The following SGCE variants were observed in gnomAD, a reference collection of about 807,000 sequenced individuals.
SGCE encodes sarcoglycan epsilon.
SGCE carries 26 observed loss-of-function variants against 57.8 expected under a neutral mutation model. The observed-to-expected ratio is 0.45, with a 90% CI of 0.33 to 0.62. The LOEUF is 0.62. Ranked by LOEUF, SGCE falls within the 20% of genes least tolerant of loss-of-function variation. The pLI, the probability that SGCE is intolerant of heterozygous loss-of-function variation, is 0.02. For missense variants in SGCE, 468 were observed against 548.6 expected, an observed-to-expected ratio of 0.85 and a Z score of 1.47; for synonymous variants, 183 against 189.5, an observed-to-expected ratio of 0.97 and a Z score of 0.28.
intron 1 of SGCE, among the ~76,000 whole-genome samples, chr7:94,632,018 G>A (rs1235199690): frequency 8.6e-5 from 13 of 152,000 alleles, no homozygotes; most frequent in Admixed American, 6.6e-5. Context: ...TGGAATGGAT[G>A]AGTACATTCT....
In SGCE at chr7:94,629,777, A is replaced by G. The variant is rs935896834; in HGVS notation, c.174T>C (p.Phe58=). 1.2e-6 allele frequency: 2 copies of G among 1,611,368 alleles called. No individual in the cohort carries two copies. The highest frequency in any genetic ancestry group is 3.3e-4 in the Middle Eastern group (2 of 6,038). Residue 58 remains phenylalanine, a synonymous_variant, in exon 2 of 11, where the codon TTT becomes TTC. Coordinates refer to ENST00000648936, the MANE Select transcript of SGCE (RefSeq NM_003919.3). ...AATATTCTCTTTCCAAAACATGAAC[A>G]AAGAGGACACCTGCTGATGGGTATA... is the stretch of plus-strand genomic sequence containing the variant. The part of the protein sequence containing the change: ...RNVYPSAGVL[F]VHVLEREYFK...
At chr7:94,605,307 T>G (rs1480083435) in intron 5 of SGCE, among the ~76,000 whole-genome samples, 1 of 151,712 alleles carries the variant, frequency 6.6e-6, no homozygotes, top group African/African-American at 2.4e-5. Flanking sequence ...AGATGGAAAA[T>G]GATATAAGTC....
chr7:94,596,349 C>T (rs1206922653), intron 9 of SGCE, among the ~76,000 whole-genome samples: 1 of 152,098 alleles, frequency 6.6e-6, no homozygotes, highest in Non-Finnish European at 1.5e-5. Flanking sequence ...CTTAAAATGA[C>T]AGCAACCTTT....
intron 5 of SGCE, among the ~76,000 whole-genome samples, chr7:94,606,212 A>C (rs1800113800): frequency 6.6e-6 from 1 of 152,192 alleles, no homozygotes; most frequent in African/African-American, 2.4e-5. Context: ...AACAAGATCC[A>C]ACTATACTCT....
intron 1 of SGCE, among the ~76,000 whole-genome samples, chr7:94,643,464 C>T (rs921823698): frequency 1.8e-4 from 28 of 152,198 alleles, no homozygotes; most frequent in African/African-American, 6.8e-4. Context: ...GCCAGCACTG[C>T]TTTTGAACAC....
intron 10 of SGCE, chr7:94,587,301 A>G: frequency 3.0e-6 from 3 of 992,300 alleles, no homozygotes; most frequent in Non-Finnish European, 1.2e-6. Flanking sequence ...CAAGTTTCCT[A>G]ATTCCCCTAG....
At chr7:94,601,443 CAAAAAAAAAAAAA>C (rs71123905) in intron 6 of SGCE, among the ~76,000 whole-genome samples, 37 of 89,340 alleles carry the variant, frequency 4.1e-4, no homozygotes, top group African/African-American at 1.6e-3. Context: ...ATCCCAGTAT[CAAAAAAAAAAAAA>C]AAAAAAAAAA....
intron 9 of SGCE, chr7:94,590,444 T>G (rs947535059): frequency 1.3e-5 from 2 of 152,150 alleles, no homozygotes; most frequent in African/African-American, 4.8e-5. Context: ...ACCATCATAT[T>G]TTGTTTAGTA....
At chr7:94,601,759 A>T (rs1234739930) in intron 6 of SGCE, among the ~76,000 whole-genome samples, 1 of 152,138 alleles carries the variant, frequency 6.6e-6, no homozygotes, top group Non-Finnish European at 1.5e-5. Flanking sequence ...CTTTTTAAAA[A>T]TGAGAACTAA....
intron 5 of SGCE, among the ~76,000 whole-genome samples, chr7:94,613,544 G>A (rs895632455): frequency 6.6e-6 from 1 of 152,082 alleles, no homozygotes; most frequent in African/African-American, 2.4e-5. Context: ...AGATAGAGTT[G>A]TTTCTTGTGA....
At chr7:94,615,381 GAT>G (rs1489027787) in intron 5 of SGCE, among the ~76,000 whole-genome samples, 1 of 135,808 alleles carries the variant, frequency 7.4e-6, no homozygotes, top group Non-Finnish European at 1.6e-5. Context: ...TAGATAGATA[GAT>G]AGATAGATAG....
At chr7:94,626,456 T>C (rs995712222) in intron 3 of SGCE, 2 of 152,020 alleles carry the variant, frequency 1.3e-5, no homozygotes, top group Non-Finnish European at 2.9e-5. Flanking sequence ...TATATTCTGT[T>C]AGATTTATTC....
intron 5 of SGCE, among the ~76,000 whole-genome samples, chr7:94,613,127 C>A (rs974799971): frequency 1.1e-4 from 17 of 152,134 alleles, no homozygotes; most frequent in African/African-American, 2.9e-4. Flanking sequence ...TAAAAACAAA[C>A]GGAACACAGA....
At chr7:94,615,221 C>T (rs975880932) in intron 5 of SGCE, among the ~76,000 whole-genome samples, 1 of 152,028 alleles carries the variant, frequency 6.6e-6, no homozygotes, top group Non-Finnish European at 1.5e-5. Context: ...TAGCCAGGCA[C>T]AGTGGCAGGT....
At chr7:94,602,660 A>G (rs1302845771) in intron 6 of SGCE, among the ~76,000 whole-genome samples, 1 of 145,998 alleles carries the variant, frequency 6.8e-6, no homozygotes, top group African/African-American at 2.4e-5. Context: ...ATACAGACAT[A>G]TAATATAAAA....
At chr7:94,629,975 G>A (rs977241229) in intron 1 of SGCE, 134 bp from the exon 2 acceptor site, 4 of 959,558 alleles carry the variant, frequency 4.2e-6, no homozygotes, top group Admixed American at 2.5e-5. Flanking sequence ...CAACATGCAA[G>A]GAAACTGTTA....
At chr7:94,618,699 G>A (rs2116879976) in intron 5 of SGCE, 59 bp downstream of exon 5, 3 of 1,408,734 alleles carry the variant, frequency 2.1e-6, no homozygotes, top group Non-Finnish European at 3.0e-6. Context: ...TAATAAGTTT[G>A]ATAAGATCAC....
rs114950250 is a variant in SGCE, at chr7:94,652,670, T to A, written c.109+3320A>T. On this transcript the variant is annotated intron_variant, in intron 1 of 10. Transcript: ENST00000648936. ...TAGAAATGCAATTTATCCACCATAC[T>A]ATAGGATAAGTAAAATACATGAAGC... Among the ~76,000 whole-genome samples the A allele has an allele frequency of 4.2e-3, 638 of 152,330 alleles. 4 individuals are homozygous for A. Among genetic ancestry groups the A allele is most frequent in the African/African-American group, 0.014 (582 of 41,578 alleles).
chr7:94,599,762 T>C (rs1236617266), intron 7 of SGCE, 39 bp from the exon 8 acceptor site: 3 of 1,372,640 alleles, frequency 2.2e-6, no homozygotes, highest in Non-Finnish European at 3.1e-6. Flanking sequence ...AATAATAGCA[T>C]TGATATTTGG....
Sources: gnomAD v4.1 joint callset for allele counts (sites outside exome capture counted in the v4.1 genomes callset) on GRCh38, gnomAD v4.1.1 for gene constraint, MANE v1.5 for transcripts, NCBI Gene and HGNC (gene_info 2026-07-23, HGNC 2026-07-21) for gene names.